MACROD2: variants seen among roughly 807,000 people sequenced by gnomAD.
MACROD2 encodes ADP-ribose glycohydrolase MACROD2.
MACROD2 carries 36 observed loss-of-function variants against 70.4 expected under a neutral mutation model. The observed-to-expected ratio is 0.51, with a 90% confidence interval of 0.39 to 0.68. MACROD2 has a LOEUF of 0.68. Ranked by LOEUF, MACROD2 falls within the 30% of genes least tolerant of loss-of-function variation. The pLI, the probability that MACROD2 is intolerant of heterozygous loss-of-function variation, is 0.00. For missense variants in MACROD2, 496 were observed against 538.4 expected, an observed-to-expected ratio of 0.92 and a Z score of 0.78; for synonymous variants, 172 against 178.8, an observed-to-expected ratio of 0.96 and a Z score of 0.30.
Position 15,765,537 on chromosome 20 carries a change from A to G in MACROD2, c.646-97208A>G, listed in dbSNP as rs192011290. Among the ~76,000 whole-genome samples the G allele has an allele frequency of 2.9e-3, 441 of 152,360 alleles. 2 individuals are homozygous for G. The highest frequency in any genetic ancestry group is 0.01 in the African/African-American group (423 of 41,590). On this transcript the variant is annotated intron_variant, in intron 8 of 17. Transcript: ENST00000684519. ...TGGCACAAGCAAACTGAAATGATAC[A>G]TGCAAATCTATTACGGTGGGAAAGA...
intron 8 of MACROD2, among the ~76,000 whole-genome samples, chr20:15,708,401 G>A (rs1161941848): frequency 1.3e-5 from 2 of 152,174 alleles, no homozygotes; most frequent in Non-Finnish European, 2.9e-5. Context: ...GACATGTGAT[G>A]CAACTGAGGG....
chr20:14,360,211 C>T (rs1451504627), intron 3 of MACROD2, among the ~76,000 whole-genome samples: 1 of 151,978 alleles, frequency 6.6e-6, no homozygotes, highest in Non-Finnish European at 1.5e-5. Flanking sequence ...TGTGTGGTGA[C>T]TATAGCTAAA....
chr20:14,929,877 G>A (rs2074276420), intron 5 of MACROD2, among the ~76,000 whole-genome samples: 1 of 152,060 alleles, frequency 6.6e-6, no homozygotes, highest in Non-Finnish European at 1.5e-5. Context: ...ATTTACATGA[G>A]TTTGCTGGGC....
chr20:14,785,174 A>ACACAC (rs61220580), intron 5 of MACROD2, among the ~76,000 whole-genome samples: 4 of 150,994 alleles, frequency 2.6e-5, no homozygotes, highest in African/African-American at 9.8e-5. Context: ...AACACACACA[A>ACACAC]ACACACACAC....
chr20:15,313,840 A>C (rs893335175), intron 6 of MACROD2, among the ~76,000 whole-genome samples: 3 of 152,224 alleles, frequency 2.0e-5, no homozygotes, highest in Non-Finnish European at 4.4e-5. Context: ...ATATGAGCAG[A>C]CTAATACATT....
chr20:15,171,364 C>G (rs982399674), intron 5 of MACROD2, among the ~76,000 whole-genome samples: 1 of 151,518 alleles, frequency 6.6e-6, no homozygotes, highest in Non-Finnish European at 1.5e-5. Flanking sequence ...CTCCTCCCCT[C>G]CATCCTTCCC....
chr20:15,590,420 T>C (rs1481813353), intron 8 of MACROD2, among the ~76,000 whole-genome samples: 3 of 152,190 alleles, frequency 2.0e-5, no homozygotes, highest in African/African-American at 7.2e-5. Context: ...ACTCCCTACT[T>C]AGAGCGATTT....
Position 15,708,683 on chromosome 20 carries a change from G to A in MACROD2, c.646-154062G>A, listed in dbSNP as rs1292428508. On this transcript the variant is annotated intron_variant, in intron 8 of 17. Transcript: ENST00000684519. ...AGGCCAGGAGTTCAAGACCAGTCTG[G>A]GCACAATATCAAAACCCCATCTCTA... 3.6e-5 allele frequency among the ~76,000 whole-genome samples: 5 copies of A among 140,726 alleles called. No individual in the cohort carries two copies. In the East Asian group the frequency reaches 5.8e-4, roughly 16 times the overall value. The allele number at this position is 140,726 out of a possible 152,430, so 92.3% of individuals were successfully genotyped here.
chr20:14,313,554 A>G (rs1371343662), intron 3 of MACROD2, among the ~76,000 whole-genome samples: 1 of 152,044 alleles, frequency 6.6e-6, no homozygotes, highest in Admixed American at 6.6e-5. Flanking sequence ...AAAATGTGTG[A>G]AATTTGTCTG....
chr20:15,667,097 T>C (rs2049909401), intron 8 of MACROD2, among the ~76,000 whole-genome samples: 1 of 152,188 alleles, frequency 6.6e-6, no homozygotes, highest in Non-Finnish European at 1.5e-5. Flanking sequence ...TCATGTTGGA[T>C]TGTAATCCCC....
chr20:14,805,285 T>C (rs1218979181), intron 5 of MACROD2, among the ~76,000 whole-genome samples: 1 of 152,102 alleles, frequency 6.6e-6, no homozygotes, highest in Non-Finnish European at 1.5e-5. Context: ...GGGCCATGGA[T>C]TGAACATTAG....
chr20:15,452,974 A>G (rs542034331), intron 7 of MACROD2, among the ~76,000 whole-genome samples: 7 of 152,294 alleles, frequency 4.6e-5, no homozygotes, highest in South Asian at 2.1e-4. Flanking sequence ...GATTTTGTCA[A>G]TAAAAATAAT....
intron 3 of MACROD2, among the ~76,000 whole-genome samples, chr20:14,391,408 G>A (rs2083525102): frequency 6.6e-6 from 1 of 152,056 alleles, no homozygotes; most frequent in African/African-American, 2.4e-5. Context: ...CTTATAAGTG[G>A]GAACTAAATG....
intron 8 of MACROD2, among the ~76,000 whole-genome samples, chr20:15,583,581 C>A (rs1235256054): frequency 6.6e-6 from 1 of 152,170 alleles, no homozygotes; most frequent in African/African-American, 2.4e-5. Flanking sequence ...TTCCTGAGAA[C>A]CCTAGGGCTC....
intron 5 of MACROD2, among the ~76,000 whole-genome samples, chr20:14,917,836 G>A (rs1316565885): frequency 6.6e-6 from 1 of 152,160 alleles, no homozygotes; most frequent in African/African-American, 2.4e-5. Context: ...CAGGGAAGCA[G>A]TGGGGGCGAA....
chr20:15,836,519 C>T (rs1326050060), intron 8 of MACROD2, among the ~76,000 whole-genome samples: 1 of 152,110 alleles, frequency 6.6e-6, no homozygotes, highest in Admixed American at 6.5e-5. Context: ...AATATATCTA[C>T]TGATGTTGGT....
At chr20:14,363,143 T>A (rs2083239037) in intron 3 of MACROD2, among the ~76,000 whole-genome samples, 1 of 152,216 alleles carries the variant, frequency 6.6e-6, no homozygotes, top group Non-Finnish European at 1.5e-5. Flanking sequence ...ACTCTCACTC[T>A]ATATTTTATT....
In MACROD2 at chr20:14,328,488, T is replaced by A. The variant is rs1050113803; in HGVS notation, c.272-164991T>A. Among the ~76,000 whole-genome samples the A allele has an allele frequency of 3.9e-5, 6 of 152,272 alleles. No individual in the cohort carries two copies. In the East Asian group the frequency reaches 1.2e-3, roughly 29 times the overall value. Reference sequence around the variant, plus strand: ...CTGGCAAAGTATAGATTTATACTGATGTATTGTGTAATATAGTCTCTTCTG... The same window carrying A: ...CTGGCAAAGTATAGATTTATACTGAAGTATTGTGTAATATAGTCTCTTCTG... On this transcript the variant is annotated intron_variant, in intron 3 of 17. Transcript: ENST00000684519.
chr20:15,814,375 C>G (rs538997432), intron 8 of MACROD2, among the ~76,000 whole-genome samples: 5 of 152,298 alleles, frequency 3.3e-5, no homozygotes, highest in Admixed American at 2.0e-4. Context: ...TCTAGTGTAT[C>G]AATACCCCAG....
Sources: gnomAD v4.1 joint callset for allele counts (sites outside exome capture counted in the v4.1 genomes callset) on GRCh38, gnomAD v4.1.1 for gene constraint, MANE v1.5 for transcripts, NCBI Gene and HGNC (gene_info 2026-07-23, HGNC 2026-07-21) for gene names.